Variants in BRPF3 observed in about 807,000 individuals in gnomAD.
The protein encoded by BRPF3 is bromodomain and PHD finger-containing protein 3.
In BRPF3, 18 loss-of-function variants were observed where a neutral mutation model predicts 102.0. That is an observed-to-expected ratio of 0.18 (90% confidence interval 0.12 to 0.26). The LOEUF is 0.26. BRPF3 is among the 10% of genes least tolerant of loss of function. The probability of loss-of-function intolerance (pLI) is 1.00; values close to 1 mark genes in which losing one functional copy is unlikely to be tolerated. For synonymous variants in BRPF3, 570 were observed against 614.2 expected (o/e 0.93, Z 1.06); for missense variants, 1,147 against 1,567.8 (o/e 0.73, Z 4.53).
intron 8 of BRPF3, among the ~76,000 whole-genome samples, 157 bp from the exon 9 acceptor site, chr6:36,217,760 G>T (rs1768381447): frequency 6.6e-6 from 1 of 152,148 alleles, no homozygotes; most frequent in South Asian, 2.1e-4. Flanking sequence ...ATCTTGATCA[G>T]ATCTTCTCTA....
intron 11 of BRPF3, 113 bp downstream of exon 11, chr6:36,225,477 A>AGG (rs201285626): frequency 1.4e-5 from 13 of 922,770 alleles, no homozygotes; most frequent in African/African-American, 1.3e-4. Flanking sequence ...TTAGCTGTAG[A>AGG]GGGGAGGGGG....
chr6:36,220,870 T>TA (rs1768510816), intron 9 of BRPF3, among the ~76,000 whole-genome samples: 1 of 152,228 alleles, frequency 6.6e-6, no homozygotes, highest in African/African-American at 2.4e-5. Context: ...ACGTTCCTGA[T>TA]AAAGTCAGTT....
rs1057164553 is a variant in BRPF3 at position 36,230,714 on chromosome 6, A to G, written c.*105A>G. On this transcript the variant is annotated 3_prime_UTR_variant, in exon 13 of 13. Coordinates refer to ENST00000357641, the MANE Select transcript of BRPF3 (RefSeq NM_015695.3). The surrounding 1 kb of genome is among the most constrained non-coding windows in gnomAD (Gnocchi z 5.4). ...GTATGGCCGGCAGCTTCCCCCTCTCATGGTAGGCCAGGGACTGGGCTTTCT... is the reference window on the plus strand; with the variant it reads ...GTATGGCCGGCAGCTTCCCCCTCTCGTGGTAGGCCAGGGACTGGGCTTTCT... 2.4e-5 allele frequency: 32 copies of G among 1,336,222 alleles called. No homozygotes were observed. The Middle Eastern group carries it at 6.2e-4, about 26-fold the overall frequency. The allele number at this position is 1,336,222 out of a possible 1,614,324, so 82.8% of individuals were successfully genotyped here. A position where few individuals can be genotyped will look rare whatever the true frequency, so the allele number is the denominator to read the frequency against.
chr6:36,218,460 C>CG (rs1317786470), intron 9 of BRPF3, among the ~76,000 whole-genome samples: 1 of 145,332 alleles, frequency 6.9e-6, no homozygotes, highest in East Asian at 2.2e-4. Context: ...TTTGGAATTG[C>CG]CTTTTTTTTT....
At position 36,230,875 on chromosome 6, in the gene BRPF3, T is replaced by G; in HGVS notation, c.*266T>G. On this transcript the variant is annotated 3_prime_UTR_variant, in exon 13 of 13. Coordinates refer to ENST00000357641, the MANE Select transcript of BRPF3 (RefSeq NM_015695.3). This position sits in a 1 kb window ranked among gnomAD's most constrained non-coding sequence, Gnocchi z 5.4. ...AACCAGTTAGAAGTAGAAACAGCTG[T>G]GGGGCTTGGGCCCAGCTTAGGAGAT... The G allele has an allele frequency of 4.4e-6, 2 of 459,560 alleles. No homozygotes were observed. Among genetic ancestry groups the G allele is most frequent in the Non-Finnish European group, 7.9e-6 (2 of 254,590 alleles). The allele number at this position is 459,560 out of a possible 1,614,324, so 28.5% of individuals were successfully genotyped here. A position where few individuals can be genotyped will look rare whatever the true frequency, so the allele number is the denominator to read the frequency against.
chr6:36,201,504 T>C lies in BRPF3; in HGVS notation c.1182T>C (p.Ala394=), dbSNP rs1444015234. ...ACTCGCCACCAGGTGCGGCCACTGCTAGGAGGAAGGGCGACTCCCCTAGAA... is the reference window on the plus strand; with the variant it reads ...ACTCGCCACCAGGTGCGGCCACTGCCAGGAGGAAGGGCGACTCCCCTAGAA... The part of the protein sequence containing the change: ...EAHSPPGAAT[A]RRKGDSPRSI... The change falls in exon 2 of 13, where the codon GCT becomes GCC. Residue 394 remains alanine, a synonymous_variant. Transcript: ENST00000357641. The surrounding 1 kb of genome is among the most constrained non-coding windows in gnomAD (Gnocchi z 5.1). The C allele has an allele frequency of 6.2e-7, 1 of 1,613,914 alleles. No homozygotes were observed. Among genetic ancestry groups the C allele is most frequent in the Non-Finnish European group, 8.5e-7 (1 of 1,179,984 alleles).
chr6:36,230,379 C>A lies in BRPF3; in HGVS notation c.3435-47C>A. The A allele has an allele frequency of 6.3e-7, 1 of 1,594,062 alleles. No individual in the cohort carries two copies. The highest frequency in any genetic ancestry group is 8.6e-7 in the Non-Finnish European group (1 of 1,166,124). The stretch of plus-strand genomic sequence containing the variant: ...GTGGGGCCACAGGAGCCCGAGCCCC[C>A]TGTGAGACCCACTACTGCCCAGCCT... On this transcript the variant is annotated intron_variant, in intron 12 of 12. Coordinates refer to ENST00000357641, the MANE Select transcript of BRPF3 (RefSeq NM_015695.3). This position sits in a 1 kb window ranked among gnomAD's most constrained non-coding sequence, Gnocchi z 5.4.
chr6:36,211,516 T>C lies in BRPF3; in HGVS notation c.2438T>C (p.Leu813Pro). 1 of 1,560,720 alleles carries C rather than the reference T, an allele frequency of 6.4e-7. No individual in the cohort carries two copies. The highest frequency in any genetic ancestry group is 1.2e-5 in the South Asian group (1 of 85,266). ...PAGPQGDAAV[L>P]EQALQEEPED... ...GGGCCCCAGGGGGATGCAGCTGTGC[T>C]GGAGCAGGCCTTGCAGGAGGAGCCA... is the stretch of plus-strand genomic sequence containing the variant. The change falls in exon 7 of 13, where the codon CTG becomes CCG. Residue 813 changes from leucine to proline, a missense_variant. Physicochemically the swap from Leu to Pro is moderately conservative, Grantham distance 98 (BLOSUM62 -3). Around this residue, in one of 11 missense-constraint regions of BRPF3, gnomAD observed 379 missense variants for 426.3 expected, o/e 0.89. Transcript: ENST00000357641.
Position 36,217,917 on chromosome 6 carries a change from G to C in BRPF3, c.2990G>C (p.Gly997Ala), listed in dbSNP as rs201068091. 53 of 1,612,964 alleles carry C rather than the reference G, an allele frequency of 3.3e-5. No homozygotes were observed. Among genetic ancestry groups the C allele is most frequent in the Non-Finnish European group, 7.6e-6 (9 of 1,179,490 alleles). The change falls in exon 9 of 13, where the codon GGC becomes GCC. Residue 997 changes from glycine (G) to alanine (A), a missense_variant and splice_region_variant. Coordinates refer to ENST00000357641, the MANE Select transcript of BRPF3 (RefSeq NM_015695.3). The stretch of plus-strand genomic sequence containing the variant: ...GACTCACTGTGTGTGTCCTTGGCAG[G>C]CATGACCAACGGCTTTGGAAAACAC... Reference protein sequence around the residue: ...ERSPQQEEETGMTNGFGKHTE... With the variant: ...ERSPQQEEETAMTNGFGKHTE...
chr6:36,210,116 T>C lies in BRPF3; in HGVS notation c.1867-100T>C. ...TGTAGGTCTTTGAGTTAGCCTGGCATGGCCAAATCAGAAATTGAGGAGGCC... is the reference window on the plus strand; with the variant it reads ...TGTAGGTCTTTGAGTTAGCCTGGCACGGCCAAATCAGAAATTGAGGAGGCC... On this transcript the variant is annotated intron_variant, in intron 5 of 12. Coordinates refer to ENST00000357641, the MANE Select transcript of BRPF3 (RefSeq NM_015695.3). This position sits in a 1 kb window ranked among gnomAD's most constrained non-coding sequence, Gnocchi z 4.7. The C allele has an allele frequency of 8.7e-6, 13 of 1,493,680 alleles. No homozygotes were observed. Among genetic ancestry groups the C allele is most frequent in the Non-Finnish European group, 1.0e-5 (11 of 1,080,334 alleles). The allele number at this position is 1,493,680 out of a possible 1,614,324, so 92.5% of individuals were successfully genotyped here.
chr6:36,214,459 C>T, intron 8 of BRPF3, 73 bp downstream of exon 8: 8 of 1,469,442 alleles, frequency 5.4e-6, no homozygotes, highest in Non-Finnish European at 7.2e-6. Flanking sequence ...CAGCACCTTC[C>T]CCAATTGGCC....
At chr6:36,229,630 TTGCTCATTTATGG>T (rs1211669321) in intron 12 of BRPF3, among the ~76,000 whole-genome samples, 2 of 152,216 alleles carry the variant, frequency 1.3e-5, no homozygotes, top group Non-Finnish European at 2.9e-5. Context: ...TACAGGAGAC[TTGCTCATTTATGG>T]TTTACAACAC....
intron 3 of BRPF3, among the ~76,000 whole-genome samples, chr6:36,205,486 G>A (rs948932789): frequency 6.6e-6 from 1 of 152,172 alleles, no homozygotes; most frequent in Non-Finnish European, 1.5e-5. Flanking sequence ...AACTCCTGAA[G>A]TATAAGCCTG....
chr6:36,232,394 G>C lies in BRPF3; in HGVS notation c.*1785G>C, dbSNP rs1006085369. The C allele has an allele frequency of 6.6e-6, 1 of 152,374 alleles. No individual in the cohort carries two copies. Among genetic ancestry groups the C allele is most frequent in the Admixed American group, 6.5e-5 (1 of 15,270 alleles). 9.4% of individuals were successfully genotyped at this position (152,374 alleles called of 1,614,324 possible). A position where few individuals can be genotyped will look rare whatever the true frequency, so the allele number is the denominator to read the frequency against. ...ACCTTTGTCTAAACCTGTGTTGTAA[G>C]ATCTTGGGACTTCCTCTCTTTCTAT... On this transcript the variant is annotated 3_prime_UTR_variant, in exon 13 of 13. Coordinates refer to ENST00000357641, the MANE Select transcript of BRPF3 (RefSeq NM_015695.3).
intron 7 of BRPF3, 102 bp from the exon 8 acceptor site, chr6:36,213,777 TA>T: frequency 8.2e-7 from 1 of 1,226,042 alleles, no homozygotes; most frequent in Admixed American, 2.3e-5. Context: ...TCAAGCCTTA[TA>T]ACAGCCAATG....
At chr6:36,211,985 G>T (rs1478956659) in intron 7 of BRPF3, among the ~76,000 whole-genome samples, 1 of 152,150 alleles carries the variant, frequency 6.6e-6, no homozygotes, top group African/African-American at 2.4e-5. Flanking sequence ...TCTAGAGCAG[G>T]TTAGGTTGGG....
At position 36,230,588 on chromosome 6, in the gene BRPF3, C is replaced by T. The variant is rs375841400; in HGVS notation, c.3597C>T (p.Phe1199=). The change falls in exon 13 of 13, where the codon TTC becomes TTT. Residue 1199 remains phenylalanine, a synonymous_variant. Coordinates refer to ENST00000357641, the MANE Select transcript of BRPF3 (RefSeq NM_015695.3). The surrounding 1 kb of genome is among the most constrained non-coding windows in gnomAD (Gnocchi z 5.4). ...HLSRVRGPHS[F]VTSSYL The stretch of plus-strand genomic sequence containing the variant: ...GCAGAGTCCGGGGGCCCCACTCCTT[C>T]GTCACTTCCAGCTACCTGTAAGGGC... 17 of 1,613,732 alleles carry T rather than the reference C, an allele frequency of 1.1e-5. No individual in the cohort carries two copies. Among genetic ancestry groups the T allele is most frequent in the East Asian group, 4.5e-5 (2 of 44,872 alleles).
At chr6:36,225,919 G>T (rs370928014) in intron 11 of BRPF3, among the ~76,000 whole-genome samples, 2 of 152,186 alleles carry the variant, frequency 1.3e-5, no homozygotes, top group Admixed American at 1.3e-4. Context: ...TACAAAAAAT[G>T]TATAAATATG....
intron 11 of BRPF3, 135 bp from the exon 12 acceptor site, chr6:36,228,767 G>T (rs1768831052): frequency 2.9e-6 from 3 of 1,023,920 alleles, no homozygotes; most frequent in African/African-American, 3.2e-5. Flanking sequence ...TTGCCTGTCT[G>T]GTCTGGACAT....
Sources: gnomAD v4.1 joint callset for allele counts (sites outside exome capture counted in the v4.1 genomes callset) on GRCh38, gnomAD v4.1.1 for gene constraint, gnomAD v4.1.1 regional missense constraint, Gnocchi (gnomAD v3.1) non-coding constraint, MANE v1.5 for transcripts, NCBI Gene and HGNC (gene_info 2026-07-23, HGNC 2026-07-21) for gene names.